The following GPC6 variants were observed in gnomAD, a reference collection of about 807,000 sequenced individuals.
GPC6 encodes glypican 6.
GPC6 carries 14 observed loss-of-function variants against 55.2 expected under a neutral mutation model. That is an observed-to-expected ratio of 0.25 (90% CI 0.17 to 0.40). GPC6 has a LOEUF of 0.40. Ranked by LOEUF, GPC6 falls within the 10% of genes least tolerant of loss-of-function variation. GPC6 has a pLI of 1.00. For missense variants in GPC6, 641 were observed against 708.5 expected (o/e 0.90, Z 1.08); for synonymous variants, 278 against 259.6 (o/e 1.07, Z -0.68).
At chr13:93,319,303 G>C (rs895779718) in intron 1 of GPC6, among the ~76,000 whole-genome samples, 11 of 152,186 alleles carry the variant, frequency 7.2e-5, no homozygotes, top group Admixed American at 5.2e-4. Flanking sequence ...GAATCACCAA[G>C]TGTTTGGAGT....
chr13:93,970,234 C>T (rs1482313697), intron 3 of GPC6, among the ~76,000 whole-genome samples: 2 of 152,102 alleles, frequency 1.3e-5, no homozygotes, highest in Non-Finnish European at 2.9e-5. Context: ...TCTGTATACT[C>T]ATAATTAACC....
At chr13:93,458,926 C>T (rs1169675402) in intron 1 of GPC6, among the ~76,000 whole-genome samples, 1 of 152,124 alleles carries the variant, frequency 6.6e-6, no homozygotes, top group Non-Finnish European at 1.5e-5. Flanking sequence ...TGAATTTGGA[C>T]AGAAGCCATT....
chr13:94,357,462 A>G (rs1342087255), intron 6 of GPC6, among the ~76,000 whole-genome samples: 2 of 152,176 alleles, frequency 1.3e-5, no homozygotes, highest in Non-Finnish European at 2.9e-5. Flanking sequence ...GGTAATACTT[A>G]TCCATCAGAA....
At chr13:93,618,077 C>G (rs1282480248) in intron 2 of GPC6, among the ~76,000 whole-genome samples, 1 of 151,874 alleles carries the variant, frequency 6.6e-6, no homozygotes, top group African/African-American at 2.4e-5. Context: ...AATGTAAAAG[C>G]AAACATTTAC....
At chr13:93,281,572 C>T (rs954297107) in intron 1 of GPC6, among the ~76,000 whole-genome samples, 3 of 152,212 alleles carry the variant, frequency 2.0e-5, no homozygotes, top group African/African-American at 7.2e-5. Context: ...CCAGCACTTT[C>T]GGAGGCCAAG....
chr13:94,386,021 C>T (rs1880384999), intron 7 of GPC6, among the ~76,000 whole-genome samples: 1 of 152,238 alleles, frequency 6.6e-6, no homozygotes, highest in African/African-American at 2.4e-5. Context: ...CAATGACTCA[C>T]ACCTGTAATC....
At chr13:94,208,768 A>AAC (rs1351853027) in intron 4 of GPC6, among the ~76,000 whole-genome samples, 1 of 149,990 alleles carries the variant, frequency 6.7e-6, no homozygotes, top group Non-Finnish European at 1.5e-5. Context: ...AAAAAAAAAA[A>AAC]AAAAAAAAAA....
chr13:93,851,737 CAGGTGAATCT>C (rs1888409276), intron 3 of GPC6, among the ~76,000 whole-genome samples: 2 of 151,646 alleles, frequency 1.3e-5, no homozygotes, highest in African/African-American at 4.8e-5. Flanking sequence ...AATCAATATG[CAGGTGAATCT>C]AGTATATCAA....
rs140436628 is a variant in GPC6 at position 94,299,537 on chromosome 13, G to T, written c.1009-6443G>T. 8.3e-3 allele frequency among the ~76,000 whole-genome samples: 1,260 copies of T among 152,324 alleles called. 18 individuals carry two copies. Among genetic ancestry groups the T allele is most frequent in the African/African-American group, 0.029 (1,203 of 41,566 alleles). ...AGACATCTGGGTGAAGCCCTCATGG[G>T]CTGGATTAGTAGTGCCCCTGCAGAA... On this transcript the variant is annotated intron_variant, in intron 5 of 8. Transcript: ENST00000377047.
chr13:94,133,793 A>G (rs1056355550), intron 4 of GPC6, among the ~76,000 whole-genome samples: 3 of 152,038 alleles, frequency 2.0e-5, no homozygotes, highest in African/African-American at 7.2e-5. Flanking sequence ...TGATAGCAGT[A>G]CCTCTGTCAC....
intron 1 of GPC6, among the ~76,000 whole-genome samples, chr13:93,419,253 G>C (rs1483091190): frequency 6.6e-6 from 1 of 151,670 alleles, no homozygotes; most frequent in Non-Finnish European, 1.5e-5. Flanking sequence ...TTCTCTTTGT[G>C]ATTAGTTGAA....
At chr13:94,369,696 T>C (rs1394920651) in intron 6 of GPC6, among the ~76,000 whole-genome samples, 1 of 152,194 alleles carries the variant, frequency 6.6e-6, no homozygotes, top group African/African-American at 2.4e-5. Flanking sequence ...AAGACAATAG[T>C]AGTCTGGAAT....
intron 1 of GPC6, among the ~76,000 whole-genome samples, chr13:93,532,304 A>C (rs1386429345): frequency 6.6e-6 from 1 of 152,104 alleles, no homozygotes; most frequent in East Asian, 1.9e-4. Flanking sequence ...TGAGAAATAC[A>C]ATGAATCTCT....
At chr13:93,947,750 G>A (rs762645170) in intron 3 of GPC6, among the ~76,000 whole-genome samples, 2 of 146,136 alleles carry the variant, frequency 1.4e-5, no homozygotes, top group East Asian at 4.0e-4. Context: ...TTTTTTTTTC[G>A]CCACCACAAT....
Position 93,654,838 on chromosome 13 carries a change from T to A in GPC6, c.319+109417T>A, listed in dbSNP as rs1382034204. 1.5e-5 allele frequency among the ~76,000 whole-genome samples: 2 copies of A among 131,288 alleles called. 1 individual carries two copies. The highest frequency in any genetic ancestry group is 1.5e-4 in the Admixed American group (2 of 13,184). 86.1% of individuals were successfully genotyped at this position (131,288 alleles called of 152,430 possible). A position where few individuals can be genotyped will look rare whatever the true frequency, so the allele number is the denominator to read the frequency against. The stretch of plus-strand genomic sequence containing the variant: ...ATCCAAAGACATCAACATAACCAGA[T>A]TTTTTTTTTTTTTTTTGAGATGGAG... On this transcript the variant is annotated intron_variant, in intron 2 of 8. Coordinates refer to ENST00000377047, the MANE Select transcript of GPC6 (RefSeq NM_005708.5).
chr13:93,686,030 G>T (rs1882034639), intron 2 of GPC6, among the ~76,000 whole-genome samples: 1 of 152,068 alleles, frequency 6.6e-6, no homozygotes. Flanking sequence ...GTCTGATGTT[G>T]ATGTGCCTTT....
chr13:93,375,528 C>A (rs1405366472), intron 1 of GPC6, among the ~76,000 whole-genome samples: 1 of 152,180 alleles, frequency 6.6e-6, no homozygotes, highest in Non-Finnish European at 1.5e-5. Context: ...GAGGGGAATG[C>A]GGGTCACCGT....
chr13:94,218,474 G>A (rs984166609), intron 4 of GPC6, among the ~76,000 whole-genome samples: 9 of 152,156 alleles, frequency 5.9e-5, no homozygotes, highest in Admixed American at 3.9e-4. Flanking sequence ...ACAAAGACTT[G>A]TAGAATCCCA....
chr13:93,881,944 A>T (rs1484431707), intron 3 of GPC6, among the ~76,000 whole-genome samples: 2 of 152,020 alleles, frequency 1.3e-5, no homozygotes, highest in South Asian at 2.1e-4. Context: ...TAAGGAAAAA[A>T]TTAACCGAGG....
Sources: gnomAD v4.1 joint callset for allele counts (sites outside exome capture counted in the v4.1 genomes callset) on GRCh38, gnomAD v4.1.1 for gene constraint, MANE v1.5 for transcripts, NCBI Gene and HGNC (gene_info 2026-07-23, HGNC 2026-07-21) for gene names.